ZNF782: variants seen among roughly 807,000 people sequenced by gnomAD.
ZNF782 encodes the protein zinc finger protein 782.
In ZNF782, 12 loss-of-function variants were observed where a neutral mutation model predicts 13.0. The observed-to-expected ratio is 0.92, with a 90% CI of 0.59 to 1.50. The LOEUF (loss-of-function observed/expected upper bound fraction) is 1.50, where lower values mean the gene tolerates loss of function less well. Ranked by LOEUF, ZNF782 falls within the 40% of genes most tolerant of loss-of-function variation. The pLI is 0.00. For synonymous variants in ZNF782, 284 were observed against 283.0 expected, an observed-to-expected ratio of 1.00 and a Z score of -0.04; for missense variants, 770 against 822.9, an observed-to-expected ratio of 0.94 and a Z score of 0.79.
the ZNF782 span, among the ~76,000 whole-genome samples, chr9:96,922,720 G>A: frequency 1.3e-5 from 2 of 151,322 alleles, no homozygotes; most frequent in African/African-American, 2.4e-5. Context: ...TTTGCAGTGA[G>A]CCGAGATCAC....
the ZNF782 span, among the ~76,000 whole-genome samples, chr9:96,897,174 C>T: frequency 6.6e-6 from 1 of 152,210 alleles, no homozygotes; most frequent in African/African-American, 2.4e-5. Context: ...TGTCAAAAGT[C>T]ATGGGCACTG....
chr9:96,849,569 GACA>G (rs1309933321), intron 3 of ZNF782, among the ~76,000 whole-genome samples: 23 of 152,310 alleles, frequency 1.5e-4, no homozygotes, highest in Non-Finnish European at 1.5e-5. Flanking sequence ...AATTCTAGAA[GACA>G]ACATTTGGAA....
At chr9:96,888,813 G>C in the ZNF782 span, 1 of 152,278 alleles carries the variant, frequency 6.6e-6, no homozygotes, top group South Asian at 2.1e-4. Context: ...AAGCACATTA[G>C]CAAAAGCATC....
the ZNF782 span, among the ~76,000 whole-genome samples, chr9:96,913,254 G>A: frequency 6.6e-6 from 1 of 152,010 alleles, no homozygotes; most frequent in Non-Finnish European, 1.5e-5. Context: ...GGCGGAGGTT[G>A]CAGTGAGCCG....
At chr9:96,831,712 CAA>C (rs36042943) in intron 4 of ZNF782, among the ~76,000 whole-genome samples, 14 of 113,798 alleles carry the variant, frequency 1.2e-4, no homozygotes, top group African/African-American at 2.0e-4. Flanking sequence ...GACTCTGTCT[CAA>C]AAAAAAAAAA....
the ZNF782 span, among the ~76,000 whole-genome samples, chr9:96,896,600 G>A: frequency 3.3e-5 from 5 of 152,144 alleles, no homozygotes; most frequent in Non-Finnish European, 7.3e-5. Context: ...CAAAAAAAGA[G>A]GCATAACACC....
chr9:96,851,914 C>A (rs1301184141), intron 3 of ZNF782, 33 bp downstream of exon 3: 3 of 1,608,144 alleles, frequency 1.9e-6, no homozygotes, highest in East Asian at 2.2e-5. Context: ...AAATCCATTA[C>A]AATACAAAGT....
At chr9:96,925,984 G>A in the ZNF782 span, among the ~76,000 whole-genome samples, 2 of 132,046 alleles carry the variant, frequency 1.5e-5, no homozygotes. Context: ...AGGGGCCAGA[G>A]GACTTTTAGC....
the ZNF782 span, chr9:96,891,027 CA>C: frequency 6.6e-6 from 1 of 152,182 alleles, no homozygotes; most frequent in Middle Eastern, 3.4e-3. Context: ...AAGCCAGACA[CA>C]AAAGGATAAA....
At chr9:96,864,877 TAAAAA>T (rs35546553) in intron 1 of ZNF782, among the ~76,000 whole-genome samples, 1 of 92,832 alleles carries the variant, frequency 1.1e-5, no homozygotes, top group Non-Finnish European at 2.2e-5. Context: ...CAAAAAGAAC[TAAAAA>T]AAAAAAAAAA....
chr9:96,876,048 CAGGTTCTGCCAGAGCCCCTAG>C (rs1470397374), upstream of ZNF782, among the ~76,000 whole-genome samples: 2 of 152,216 alleles, frequency 1.3e-5, no homozygotes, highest in Non-Finnish European at 2.9e-5. Context: ...CTCGCCTGGC[CAGGTTCTGCCAGAGCCCCTAG>C]AGGTTATGGG....
At chr9:96,863,295 G>A (rs947758902) in intron 1 of ZNF782, among the ~76,000 whole-genome samples, 48 of 150,910 alleles carry the variant, frequency 3.2e-4, no homozygotes, top group African/African-American at 9.5e-4. Context: ...AAATGCAAAC[G>A]AAAACCACAA....
At chr9:96,911,538 T>A in the ZNF782 span, among the ~76,000 whole-genome samples, 1 of 146,638 alleles carries the variant, frequency 6.8e-6, no homozygotes, top group African/African-American at 2.5e-5. Flanking sequence ...TTTTTTTTTT[T>A]GAGAGTTAGT....
chr9:96,838,592 G>A (rs1170320591), intron 4 of ZNF782, among the ~76,000 whole-genome samples: 1 of 152,086 alleles, frequency 6.6e-6, no homozygotes, highest in African/African-American at 2.4e-5. Context: ...TTAGAGAATT[G>A]AGCCATTTAT....
chr9:96,879,587 G>A (rs1851938172), upstream of ZNF782, among the ~76,000 whole-genome samples: 1 of 152,198 alleles, frequency 6.6e-6, no homozygotes, highest in Non-Finnish European at 1.5e-5. Context: ...GAGTTGGTGA[G>A]ACGCCCTGTG....
the ZNF782 span, among the ~76,000 whole-genome samples, chr9:96,912,202 A>AGGG: frequency 1.8e-4 from 27 of 148,558 alleles, no homozygotes; most frequent in East Asian, 5.1e-3. Flanking sequence ...CGTCTCGAAA[A>AGGG]AAAAAAAAAA....
chr9:96,821,684 T>C (rs546184845), intron 5 of ZNF782, among the ~76,000 whole-genome samples: 5 of 151,912 alleles, frequency 3.3e-5, no homozygotes, highest in Middle Eastern at 3.4e-3. Flanking sequence ...TTTTTTTTTT[T>C]TCTTGAGACA....
At chr9:96,828,064 A>C (rs1850685572) in intron 4 of ZNF782, among the ~76,000 whole-genome samples, 1 of 152,232 alleles carries the variant, frequency 6.6e-6, no homozygotes, top group African/African-American at 2.4e-5. Flanking sequence ...AATGTTGGAG[A>C]TCTGCAGAAG....
Position 96,852,853 on chromosome 9 carries a change from C to T in ZNF782, c.-45G>A, listed in dbSNP as rs1437986953. ...GGATAAGATGCTTTTGGTGACTCAC[C>T]TGTGAAAGAATGAACGGAACTGTTT... On this transcript the variant is annotated splice_region_variant and 5_prime_UTR_variant, in exon 2 of 6. Transcript: ENST00000481138. 1 of 152,630 alleles carries T rather than the reference C, an allele frequency of 6.6e-6. No homozygotes were observed. Among genetic ancestry groups the T allele is most frequent in the Non-Finnish European group, 1.5e-5 (1 of 68,060 alleles). The allele number at this position is 152,630 out of a possible 1,614,324, so 9.5% of individuals were successfully genotyped here. A position where few individuals can be genotyped will look rare whatever the true frequency, so the allele number is the denominator to read the frequency against.
Sources: gnomAD v4.1 joint callset for allele counts (sites outside exome capture counted in the v4.1 genomes callset) on GRCh38, gnomAD v4.1.1 for gene constraint, MANE v1.5 for transcripts, NCBI Gene and HGNC (gene_info 2026-07-23, HGNC 2026-07-21) for gene names.